CACNA1F: variants seen among roughly 807,000 people sequenced by gnomAD.
CACNA1F encodes calcium voltage-gated channel subunit alpha1 F, also known as voltage-dependent L-type calcium channel subunit alpha-1F.
In CACNA1F, 59 loss-of-function variants were observed where a neutral mutation model predicts 143.8. The observed-to-expected ratio is 0.41, with a 90% CI of 0.33 to 0.51. CACNA1F has a LOEUF of 0.51. Ranked by LOEUF, CACNA1F falls within the 20% of genes least tolerant of loss-of-function variation. CACNA1F has a pLI of 0.22. For missense variants in CACNA1F, 1,411 were observed against 1,647.5 expected (o/e 0.86, Z 2.48); for synonymous variants, 643 against 649.1 (o/e 0.99, Z 0.14).
chrX:49,231,187 C>A lies in CACNA1F; in HGVS notation c.381+15G>T, dbSNP rs1557111295. 1 of 1,078,348 alleles carries A rather than the reference C, an allele frequency of 9.3e-7. No homozygotes were observed. Among genetic ancestry groups the A allele is most frequent in the Non-Finnish European group, 1.3e-6 (1 of 793,604 alleles). 88.9% of individuals were successfully genotyped at this position (1,078,348 alleles called of 1,213,427 possible). On this transcript the variant is annotated intron_variant, in intron 3 of 47. Coordinates refer to ENST00000323022, the MANE Select transcript of CACNA1F (RefSeq NM_001256789.3). ...CTATTTGGCTGGGAACTGGCTGGGGCGGGGCGGGCCTTACCAGGTTGTGGT... is the reference window on the plus strand; with the variant it reads ...CTATTTGGCTGGGAACTGGCTGGGGAGGGGCGGGCCTTACCAGGTTGTGGT...
In CACNA1F at chrX:49,210,648, C is replaced by T; in HGVS notation, c.4427G>A (p.Arg1476Lys). 8 of 1,211,020 alleles carry T rather than the reference C, an allele frequency of 6.6e-6. No individual in the cohort carries two copies. The highest frequency in any genetic ancestry group is 8.9e-6 in the Non-Finnish European group (8 of 895,145). The change falls in exon 38 of 48, where the codon AGA (arginine) becomes AAA (lysine). Residue 1476 changes from arginine (R) to lysine (K), a missense_variant. Around this residue, in one of 3 missense-constraint regions of CACNA1F, gnomAD observed 112 missense variants for 169.2 expected, o/e 0.66. Coordinates refer to ENST00000323022, the MANE Select transcript of CACNA1F (RefSeq NM_001256789.3). ...IKHLDVVALL[R>K]RIQPPLGFGK... The stretch of plus-strand genomic sequence containing the variant: ...AAATCCCAGAGGGGGCTGGATACGT[C>T]TCAGCAGGGCAACCACATCCAAGTG...
chrX:49,218,961 G>C lies in CACNA1F; in HGVS notation c.2674-20C>G, dbSNP rs376797886. ...CAGAATCTGGGGTGTGAGAAAGAGCGGGGAGCCACTGAGTCACGGCTGAGG... is the reference window on the plus strand; with the variant it reads ...CAGAATCTGGGGTGTGAGAAAGAGCCGGGAGCCACTGAGTCACGGCTGAGG... On this transcript the variant is annotated intron_variant, in intron 21 of 47. Transcript: ENST00000323022. 3.8e-5 allele frequency: 44 copies of C among 1,170,534 alleles called. No homozygotes were observed. The African/African-American group carries it at 7.5e-4, about 20-fold the overall frequency.
intron 3 of CACNA1F, 59 bp downstream of exon 3, chrX:49,231,143 A>C: frequency 1.1e-6 from 1 of 876,445 alleles, no homozygotes; most frequent in Non-Finnish European, 1.6e-6. Flanking sequence ...GGCTGGAAGG[A>C]GTGAGCTCTA....
Position 49,222,965 on chromosome X carries a change from A to G in CACNA1F, c.2049T>C (p.Phe683=). Residue 683 remains phenylalanine (F), a synonymous_variant, in exon 15 of 48, where the codon TTT becomes TTC. Transcript: ENST00000323022. ...TGAGGAGGGCCTGGGGGAACGTGTC[A>G]AAGGTGCTTCGCTTGGTGTGGGTCT... is the stretch of plus-strand genomic sequence containing the variant. ...FDQTHTKRST[F]DTFPQALLTV... The G allele has an allele frequency of 4.2e-6, 5 of 1,201,362 alleles. No individual in the cohort carries two copies. The highest frequency in any genetic ancestry group is 1.7e-5 in the African/African-American group (1 of 57,295).
chrX:49,230,606 C>A lies in CACNA1F; in HGVS notation c.525G>T (p.Leu175=). 8.6e-7 allele frequency: 1 copy of A among 1,166,947 alleles called. No individual in the cohort carries two copies. Among genetic ancestry groups the A allele is most frequent in the Non-Finnish European group, 1.1e-6 (1 of 871,963 alleles). Residue 175 remains leucine, a synonymous_variant, in exon 5 of 48, where the codon CTG becomes CTT. Coordinates refer to ENST00000323022, the MANE Select transcript of CACNA1F (RefSeq NM_001256789.3). ...LLDFIIVVVG[L]FSVLLEQGPG... is the part of the protein sequence containing the mutation. ...GGCCCTGCTCCAGCAGAACGCTGAA[C>A]AGCCTGATGGGGGAGCACCGGGCAG... is the stretch of plus-strand genomic sequence containing the variant.
Position 49,207,099 on chromosome X carries a change from C to G in CACNA1F, c.5137G>C (p.Ala1713Pro). 8.5e-7 allele frequency: 1 copy of G among 1,179,257 alleles called. No individual in the cohort carries two copies. The highest frequency in any genetic ancestry group is 1.1e-6 in the Non-Finnish European group (1 of 872,018). The change falls in exon 44 of 48, where the codon GCT becomes CCT. Residue 1713 changes from alanine to proline, a missense_variant. Physicochemically the swap from Ala to Pro is conservative, Grantham distance 27 (BLOSUM62 -1). Transcript: ENST00000323022. ...TCTTCTGGGATGGTGAAAATGAGAG[C>G]CCCAGAGCCTCTCCTGGGGAAAGGG... Reference protein sequence around the residue: ...GSNTHRRGSGALIFTIPEEGN... With the variant: ...GSNTHRRGSGPLIFTIPEEGN...
Position 49,212,732 on chromosome X carries a change from C to T in CACNA1F, c.3877G>A (p.Val1293Ile). 8.3e-7 allele frequency: 1 copy of T among 1,209,238 alleles called. No homozygotes were observed. The highest frequency in any genetic ancestry group is 1.1e-6 in the Non-Finnish European group (1 of 893,958). ...FFRLFRVMRL[V>I]KLLSKGEGIR... ...CCTTCACCCTTACTGAGAAGCTTGA[C>T]CAGCCGCATAACTCGGAAGAGGCGA... is the stretch of plus-strand genomic sequence containing the variant. The change falls in exon 33 of 48, where the codon GTC becomes ATC. Residue 1293 changes from valine (V) to isoleucine (I), a missense_variant. Val to Ile is a conservative substitution (Grantham distance 29). Transcript: ENST00000323022.
intron 43 of CACNA1F, 68 bp downstream of exon 43, chrX:49,208,447 G>A (rs2065621352): frequency 1.7e-6 from 1 of 595,893 alleles, no homozygotes; most frequent in Non-Finnish European, 2.4e-6. Context: ...CCTGCCTCCT[G>A]AATTGCCTCT....
chrX:49,205,218 G>A lies in CACNA1F; in HGVS notation c.5820C>T (p.Leu1940=). The part of the protein sequence containing the change: ...SDLLAQGTSS[L]YSDEESILSR... ...AGAGGATGGACTCCTCGTCGCTATAGAGAGAGCTGGTTCCCTGTGCCAGCA... is the reference window on the plus strand; with the variant it reads ...AGAGGATGGACTCCTCGTCGCTATAAAGAGAGCTGGTTCCCTGTGCCAGCA... The change falls in exon 48 of 48, where the codon CTC becomes CTT. Residue 1940 remains leucine, a synonymous_variant. Coordinates refer to ENST00000323022, the MANE Select transcript of CACNA1F (RefSeq NM_001256789.3). 7 of 1,210,783 alleles carry A rather than the reference G, an allele frequency of 5.8e-6. No individual in the cohort carries two copies. The highest frequency in any genetic ancestry group is 7.8e-6 in the Non-Finnish European group (7 of 894,758).
At chrX:49,215,608 C>T in intron 27 of CACNA1F, 65 bp from the exon 28 acceptor site, 1 of 744,985 alleles carries the variant, frequency 1.3e-6, no homozygotes, top group South Asian at 2.5e-5. Flanking sequence ...CCCCTCAGAC[C>T]TGCCCCCAGT....
chrX:49,224,806 G>T lies in CACNA1F; in HGVS notation c.1832C>A (p.Ser611Ter). 8.4e-7 allele frequency: 1 copy of T among 1,195,250 alleles called. No individual in the cohort carries two copies. Among genetic ancestry groups the T allele is most frequent in the Non-Finnish European group, 1.1e-6 (1 of 886,264 alleles). ...GAGGAGGCGCACACATCGGAGCACT[G>T]AGATGCCCAAGGGCTGCATGGCACC... ...EVGAMQPLGI[S>*]VLRCVRLLRI... Residue 611 changes from serine to a stop codon, truncating the protein, a stop_gained, in exon 14 of 48, where the codon TCA becomes TAA. Coordinates refer to ENST00000323022, the MANE Select transcript of CACNA1F (RefSeq NM_001256789.3). LOFTEE classifies it high-confidence loss of function.
chrX:49,226,155 G>T, intron 12 of CACNA1F, 62 bp downstream of exon 12: 10 of 1,115,677 alleles, frequency 9.0e-6, no homozygotes, highest in Non-Finnish European at 1.2e-5. Flanking sequence ...GGTCATGAGG[G>T]CTTGGAGGTG....
chrX:49,209,853 G>A, intron 40 of CACNA1F, 88 bp downstream of exon 40: 2 of 1,144,187 alleles, frequency 1.7e-6, no homozygotes, highest in East Asian at 3.0e-5. Context: ...ACTTCCCCTC[G>A]CCCTCTGCCC....
chrX:49,229,842 G>A (rs2065859953), intron 6 of CACNA1F, among the ~76,000 whole-genome samples: 1 of 106,921 alleles, frequency 9.4e-6, no homozygotes, highest in Admixed American at 9.9e-5. Context: ...AGTAGAGGCA[G>A]GGTTTCACCG....
At chrX:49,207,684 C>G (rs1434952851) in intron 43 of CACNA1F, among the ~76,000 whole-genome samples, 2 of 110,344 alleles carry the variant, frequency 1.8e-5, no homozygotes, top group African/African-American at 6.6e-5. Flanking sequence ...CCCACCTTGG[C>G]CTCCCAAAGT....
rs782650423 is a variant in CACNA1F at position 49,227,071 on chromosome X, C to G, written c.1175G>C (p.Arg392Pro). Residue 392 changes from arginine to proline, a missense_variant, in exon 9 of 48, where the codon CGG becomes CCG. This residue lies in a region of CACNA1F where 950 missense variants were observed against 1,128.1 expected (regional missense o/e 0.84). Transcript: ENST00000323022. ...AKARGDFQKQ[R>P]EKQQMEEDLR... Reference sequence around the variant, plus strand: ...GTCTTCCTCCATCTGCTGCTTCTCCCGCTGCTTCTGGAAGTCCCCGCGAGC... The same window carrying G: ...GTCTTCCTCCATCTGCTGCTTCTCCGGCTGCTTCTGGAAGTCCCCGCGAGC... 2 of 1,205,594 alleles carry G rather than the reference C, an allele frequency of 1.7e-6. No homozygotes were observed. The highest frequency in any genetic ancestry group is 2.2e-6 in the Non-Finnish European group (2 of 891,993).
At chrX:49,219,007 A>G (rs2065748106) in intron 21 of CACNA1F, 66 bp from the exon 22 acceptor site, 6 of 953,786 alleles carry the variant, frequency 6.3e-6, no homozygotes, top group Non-Finnish European at 9.0e-6. Flanking sequence ...GTGACTTCTC[A>G]AAAGGCTTGG....
chrX:49,206,584 T>A lies in CACNA1F; in HGVS notation c.5399A>T (p.Gln1800Leu). The A allele has an allele frequency of 8.3e-7, 1 of 1,208,469 alleles. No homozygotes were observed. The change falls in exon 46 of 48, where the codon CAG (glutamine) becomes CTG (leucine). Residue 1800 changes from glutamine (Q) to leucine (L), a missense_variant. Gln to Leu is a moderately radical substitution (Grantham distance 113). Transcript: ENST00000323022. ...PSFTIQCLQR[Q>L]GSCEDLPIPG... ...GATGGGTAAATCCTCACAACTGCCC[T>A]GGCGCTGCAGACACTGGATGGTGAA...
chrX:49,231,548 C>G, intron 2 of CACNA1F, 130 bp downstream of exon 2: 1 of 913,523 alleles, frequency 1.1e-6, no homozygotes, highest in South Asian at 2.1e-5. Flanking sequence ...TGAACCTGCC[C>G]CCCAACCCAG....
Sources: allele counts gnomAD v4.1 joint callset (sites outside exome capture counted in the v4.1 genomes callset), GRCh38; gene constraint gnomAD v4.1.1; regional missense constraint gnomAD v4.1.1; transcripts MANE v1.5; gene names NCBI Gene and HGNC (gene_info 2026-07-23, HGNC 2026-07-21).